The following ANO2 variants were observed in gnomAD, a reference collection of about 807,000 sequenced individuals.
The protein encoded by ANO2 is anoctamin 2.
A neutral mutation model predicts 124.2 loss-of-function variants in ANO2; 101 were observed. That is an observed-to-expected ratio of 0.81 (90% CI 0.69 to 0.96). ANO2 has a LOEUF of 0.96. Ranked by LOEUF, ANO2 falls within the 40% of genes least tolerant of loss-of-function variation. The pLI is 0.00. For missense variants in ANO2, 1,293 were observed against 1,274.5 expected (o/e 1.01, Z -0.22); for synonymous variants, 486 against 482.5 (o/e 1.01, Z -0.09).
chr12:5,763,636 A>C (rs2362472), intron 10 of ANO2, among the ~76,000 whole-genome samples: 43,101 of 152,082 alleles, frequency 0.28, 6,375 homozygotes, highest in African/African-American at 0.33. Flanking sequence ...AGAAAATCAG[A>C]AAATATTTTC....
At chr12:5,613,724 C>G (rs921096159) in intron 17 of ANO2, among the ~76,000 whole-genome samples, 3 of 152,098 alleles carry the variant, frequency 2.0e-5, no homozygotes, top group African/African-American at 7.2e-5. Flanking sequence ...TTATTTATAC[C>G]TCTTATTAGA....
chr12:5,692,766 C>T (rs756913196), intron 14 of ANO2, among the ~76,000 whole-genome samples: 4 of 152,244 alleles, frequency 2.6e-5, no homozygotes, highest in Admixed American at 2.6e-4. Flanking sequence ...CTGTCCCCTG[C>T]GCCCCGTAGT....
rs566670452 is a variant in ANO2 at position 5,727,267 on chromosome 12, C to T, written c.1545+5253G>A. 6.6e-5 allele frequency among the ~76,000 whole-genome samples: 10 copies of T among 152,152 alleles called. No homozygotes were observed. The South Asian group carries it at 1.9e-3, about 28-fold the overall frequency. ...GCACCACCTCCCCTATAACTCACTC[C>T]TTTTTCTCTCTCCTGCTTTCAGTAT... On this transcript the variant is annotated intron_variant, in intron 14 of 24. Coordinates refer to ENST00000682330, the MANE Select transcript of ANO2 (RefSeq NM_001364791.2).
chr12:5,586,082 A>T (rs1422415302), intron 20 of ANO2, among the ~76,000 whole-genome samples: 1 of 152,182 alleles, frequency 6.6e-6, no homozygotes, highest in African/African-American at 2.4e-5. Flanking sequence ...AAACTAAAAG[A>T]CTGCCTTCCC....
intron 3 of ANO2, among the ~76,000 whole-genome samples, chr12:5,899,833 C>T (rs1419800503): frequency 6.6e-6 from 1 of 152,144 alleles, no homozygotes. Flanking sequence ...TGGGTTTCTG[C>T]GTTTCTACAT....
chr12:5,575,625 G>C (rs983907392), intron 23 of ANO2, among the ~76,000 whole-genome samples: 3 of 152,182 alleles, frequency 2.0e-5, no homozygotes, highest in Admixed American at 2.0e-4. Flanking sequence ...ATAGTGGTAA[G>C]TATTTGTGTA....
chr12:5,659,452 G>A (rs1158604665), intron 14 of ANO2, among the ~76,000 whole-genome samples: 1 of 152,100 alleles, frequency 6.6e-6, no homozygotes, highest in African/African-American at 2.4e-5. Flanking sequence ...ACCTATGACT[G>A]ACCCTCGAAG....
intron 20 of ANO2, among the ~76,000 whole-genome samples, chr12:5,592,549 G>A (rs1455800040): frequency 1.3e-5 from 2 of 152,188 alleles, no homozygotes; most frequent in South Asian, 2.1e-4. Context: ...GCTGCACTGG[G>A]CGTGTGAACT....
chr12:5,682,160 C>G (rs1948520227), intron 14 of ANO2, among the ~76,000 whole-genome samples: 1 of 152,216 alleles, frequency 6.6e-6, no homozygotes, highest in South Asian at 2.1e-4. Flanking sequence ...TCCTATCCCA[C>G]AGTTTGGCAT....
intron 11 of ANO2, among the ~76,000 whole-genome samples, chr12:5,747,919 T>G (rs937599205): frequency 6.6e-6 from 1 of 152,218 alleles, no homozygotes; most frequent in Non-Finnish European, 1.5e-5. Context: ...ATTTTACACT[T>G]GAATATCCCT....
intron 7 of ANO2, among the ~76,000 whole-genome samples, chr12:5,815,136 C>G (rs1418301558): frequency 6.6e-6 from 1 of 152,198 alleles, no homozygotes; most frequent in Non-Finnish European, 1.5e-5. Context: ...AAATGAGCAG[C>G]TAAAATAGAT....
At chr12:5,829,590 C>G (rs1278483679) in intron 6 of ANO2, among the ~76,000 whole-genome samples, 1 of 152,184 alleles carries the variant, frequency 6.6e-6, no homozygotes, top group Non-Finnish European at 1.5e-5. Context: ...GTGGAAACTT[C>G]AGTTCTTTGG....
Position 5,875,739 on chromosome 12 carries a change from G to A in ANO2, c.535-21598C>T, listed in dbSNP as rs146062829. Among the ~76,000 whole-genome samples the A allele has an allele frequency of 2.0e-3, 311 of 152,178 alleles. 2 individuals are homozygous for A. Among genetic ancestry groups the A allele is most frequent in the African/African-American group, 7.1e-3 (293 of 41,498 alleles). ...TACACAAGAGCAGACTGAGCTCAGA[G>A]AGGCTATGAATTGTTCAAAATCACT... On this transcript the variant is annotated intron_variant, in intron 3 of 24. Transcript: ENST00000682330.
At chr12:5,583,228 ACAT>A (rs909897912) in intron 20 of ANO2, among the ~76,000 whole-genome samples, 1 of 152,254 alleles carries the variant, frequency 6.6e-6, no homozygotes. Context: ...AGAGAGGTAG[ACAT>A]GAAGTATGAA....
chr12:5,704,450 A>G (rs1245402737), intron 14 of ANO2, among the ~76,000 whole-genome samples: 1 of 152,204 alleles, frequency 6.6e-6, no homozygotes. Context: ...TGTTTTTATA[A>G]CAATCCTGTC....
chr12:5,943,863 C>G (rs1169278390), intron 1 of ANO2, among the ~76,000 whole-genome samples: 1 of 152,132 alleles, frequency 6.6e-6, no homozygotes, highest in Non-Finnish European at 1.5e-5. Context: ...AGACACACTC[C>G]CCAGTAGGCC....
At chr12:5,914,166 C>G (rs1387482751) in intron 3 of ANO2, among the ~76,000 whole-genome samples, 1 of 151,682 alleles carries the variant, frequency 6.6e-6, no homozygotes, top group East Asian at 1.9e-4. Flanking sequence ...CGCTACTGCA[C>G]TCCAGCCTAG....
chr12:5,628,318 T>C (rs925477056), intron 16 of ANO2, among the ~76,000 whole-genome samples: 1 of 152,210 alleles, frequency 6.6e-6, no homozygotes, highest in Non-Finnish European at 1.5e-5. Flanking sequence ...CCAGAAATAC[T>C]CGACCTCTTG....
intron 3 of ANO2, among the ~76,000 whole-genome samples, chr12:5,905,310 G>A (rs1047119243): frequency 6.6e-6 from 1 of 152,218 alleles, no homozygotes; most frequent in Non-Finnish European, 1.5e-5. Context: ...CCCTGATCAA[G>A]TTATGTAACT....
Sources: allele counts gnomAD v4.1 joint callset (sites outside exome capture counted in the v4.1 genomes callset), GRCh38; gene constraint gnomAD v4.1.1; transcripts MANE v1.5; gene names NCBI Gene and HGNC (gene_info 2026-07-23, HGNC 2026-07-21).